Variants in AFDN observed in about 807,000 individuals in gnomAD.
The protein encoded by AFDN is afadin.
Under a neutral mutation model 216.6 loss-of-function variants are expected in AFDN, and 68 were observed. That is an observed-to-expected ratio of 0.31 (90% CI 0.26 to 0.38). The LOEUF (loss-of-function observed/expected upper bound fraction) is 0.38, where lower values mean the gene tolerates loss of function less well. AFDN is among the 10% of genes least tolerant of loss of function. The pLI is 1.00. For synonymous variants in AFDN, 868 were observed against 853.7 expected (o/e 1.02, Z -0.29); for missense variants, 2,136 against 2,342.0 (o/e 0.91, Z 1.82).
chr6:167,952,579 A>AC, intron 30 of AFDN: 1 of 895,156 alleles, frequency 1.1e-6, no homozygotes, highest in Non-Finnish European at 1.3e-6. Context: ...TTTGCAGGCC[A>AC]CGGGGTCTCT....
chr6:167,955,375 T>C (rs1486744134), intron 30 of AFDN, among the ~76,000 whole-genome samples: 2 of 152,192 alleles, frequency 1.3e-5, no homozygotes, highest in East Asian at 1.9e-4. Flanking sequence ...TCCTTGGTGA[T>C]TGGAAGGCAT....
chr6:167,913,948 C>CT (rs1341185578), intron 16 of AFDN: 4 of 543,020 alleles, frequency 7.4e-6, no homozygotes, highest in Non-Finnish European at 9.7e-6. Flanking sequence ...ATCCATATGT[C>CT]TATGTGCATG....
upstream of AFDN, chr6:167,826,657 A>G: frequency 2.1e-6 from 1 of 482,086 alleles, no homozygotes; most frequent in South Asian, 1.6e-5. Context: ...AACCGAACCT[A>G]GCACCGCTGG....
intron 11 of AFDN, among the ~76,000 whole-genome samples, chr6:167,902,022 G>A (rs776012599): frequency 2.7e-5 from 4 of 150,484 alleles, no homozygotes; most frequent in Non-Finnish European, 5.9e-5. Flanking sequence ...GAACTGAGGA[G>A]GCAGAGGTTG....
intron 30 of AFDN, among the ~76,000 whole-genome samples, chr6:167,955,122 G>A (rs1006739007): frequency 2.6e-5 from 4 of 152,086 alleles, no homozygotes; most frequent in Admixed American, 1.3e-4. Context: ...TTATGCTTGC[G>A]TATGGTATCT....
chr6:167,827,691 C>T (rs1049903847), intron 1 of AFDN: 5 of 151,776 alleles, frequency 3.3e-5, no homozygotes, highest in African/African-American at 9.7e-5. Context: ...GCGCGCTGTG[C>T]TTCGGGTTCA....
chr6:167,922,541 G>A (rs1159874739), intron 21 of AFDN, among the ~76,000 whole-genome samples: 2 of 152,150 alleles, frequency 1.3e-5, no homozygotes, highest in Admixed American at 6.5e-5. Flanking sequence ...TAGTGTAGTG[G>A]AGTAAACGGT....
intron 1 of AFDN, among the ~76,000 whole-genome samples, chr6:167,836,262 T>A (rs1166256857): frequency 6.6e-6 from 1 of 152,200 alleles, no homozygotes; most frequent in Non-Finnish European, 1.5e-5. Context: ...TCTCATGTAT[T>A]CAGCACAATG....
At chr6:167,905,591 T>G (rs562434482) in intron 12 of AFDN, among the ~76,000 whole-genome samples, 1 of 152,162 alleles carries the variant, frequency 6.6e-6, no homozygotes, top group Non-Finnish European at 1.5e-5. Flanking sequence ...TATATTTGTC[T>G]CCACACACAC....
At chr6:167,845,634 C>T (rs1275861849) in intron 1 of AFDN, among the ~76,000 whole-genome samples, 1 of 152,194 alleles carries the variant, frequency 6.6e-6, no homozygotes, top group Admixed American at 6.5e-5. Flanking sequence ...CCTCGGCTTC[C>T]CAAAGTGCTG....
At chr6:167,950,922 C>T (rs1265044527) in intron 29 of AFDN, among the ~76,000 whole-genome samples, 2 of 150,532 alleles carry the variant, frequency 1.3e-5, no homozygotes, top group Non-Finnish European at 2.9e-5. Flanking sequence ...GTCTCGAACT[C>T]CTGGGCTCAA....
At chr6:167,872,542 G>A (rs1481956926) in intron 4 of AFDN, among the ~76,000 whole-genome samples, 165 bp downstream of exon 4, 2 of 152,156 alleles carry the variant, frequency 1.3e-5, no homozygotes. Context: ...GAGGATAGAG[G>A]GTCTTACCTA....
At chr6:167,911,050 A>G (rs375293869) in intron 13 of AFDN, 51 bp from the exon 14 acceptor site, 12 of 1,471,430 alleles carry the variant, frequency 8.2e-6, no homozygotes, top group South Asian at 1.2e-5. Context: ...TGTCAGTAAT[A>G]TTGTTAGCCA....
chr6:167,911,413 T>G lies in AFDN; in HGVS notation c.1961T>G (p.Ile654Ser). 1 of 1,614,128 alleles carries G rather than the reference T, an allele frequency of 6.2e-7. No individual in the cohort carries two copies. Among genetic ancestry groups the G allele is most frequent in the African/African-American group, 1.3e-5 (1 of 75,022 alleles). Residue 654 changes from isoleucine (I) to serine (S), a missense_variant, in exon 15 of 34, where the codon ATC becomes AGC. Transcript: ENST00000683244. ...TTGTCCAACCAGTACAGACCTGACA[T>G]CAGCCCTACAGAGCGCACACATAAA... Reference protein sequence around the residue: ...YVLSNQYRPDISPTERTHKVI... With the variant: ...YVLSNQYRPDSSPTERTHKVI...
At chr6:167,947,246 C>G (rs916236363) in intron 27 of AFDN, among the ~76,000 whole-genome samples, 2 of 151,300 alleles carry the variant, frequency 1.3e-5, no homozygotes, top group African/African-American at 4.9e-5. Flanking sequence ...GTGGCGCGAT[C>G]TCGGCTAACT....
chr6:167,967,308 A>C (rs1797666480), intron 32 of AFDN, among the ~76,000 whole-genome samples: 1 of 152,228 alleles, frequency 6.6e-6, no homozygotes, highest in Non-Finnish European at 1.5e-5. Flanking sequence ...TGTCACCCTT[A>C]CAAATAACAG....
rs1403560761 is a variant in AFDN at position 167,970,930 on chromosome 6, G to A, written c.*995G>A. 4.7e-6 allele frequency: 1 copy of A among 211,368 alleles called. No individual in the cohort carries two copies. The highest frequency in any genetic ancestry group is 2.3e-5 in the African/African-American group (1 of 44,102). The allele number at this position is 211,368 out of a possible 1,614,324, so 13.1% of individuals were successfully genotyped here. A position where few individuals can be genotyped will look rare whatever the true frequency, so the allele number is the denominator to read the frequency against. ...GTCAAGGAAGGAATTCAGTTACAGG[G>A]CATCTGTAACTTAAATATTGTAAGA... On this transcript the variant is annotated 3_prime_UTR_variant, in exon 34 of 34. Transcript: ENST00000683244.
chr6:167,860,469 A>G (rs922571070), intron 1 of AFDN, among the ~76,000 whole-genome samples: 8 of 152,190 alleles, frequency 5.3e-5, no homozygotes, highest in African/African-American at 9.7e-5. Flanking sequence ...CAGAAAAGCT[A>G]TATTCTAGTG....
intron 16 of AFDN, chr6:167,913,647 TTC>T: frequency 3.6e-6 from 2 of 548,740 alleles, no homozygotes; most frequent in South Asian, 5.2e-5. Context: ...ATGACAAAAG[TTC>T]TGTTTCTTCT....
Sources: allele counts gnomAD v4.1 joint callset (sites outside exome capture counted in the v4.1 genomes callset), GRCh38; gene constraint gnomAD v4.1.1; transcripts MANE v1.5; gene names NCBI Gene and HGNC (gene_info 2026-07-23, HGNC 2026-07-21).